The following RAPGEF2 variants were observed in gnomAD, a reference collection of about 807,000 sequenced individuals.
RAPGEF2 encodes the protein Rap guanine nucleotide exchange factor 2, also known as PDZ domain containing guanine nucleotide exchange factor (GEF) 1.
RAPGEF2 carries 54 observed loss-of-function variants against 186.7 expected under a neutral mutation model. The observed-to-expected ratio is 0.29, with a 90% CI of 0.23 to 0.36. The LOEUF (loss-of-function observed/expected upper bound fraction) is 0.36, where lower values mean the gene tolerates loss of function less well. Ranked by LOEUF, RAPGEF2 falls within the 10% of genes least tolerant of loss-of-function variation. The pLI is 1.00. For synonymous variants in RAPGEF2, 712 were observed against 705.9 expected (o/e 1.01, Z -0.14); for missense variants, 1,532 against 2,045.0 (o/e 0.75, Z 4.84).
chr4:159,358,237 GTGGACCAGTT>G lies in RAPGEF2; in HGVS notation c.*101_*110del. ...CCTTGGAACTCACATTCTGAGGACG[GTGGACCAGTT>G]TGCCTCCTTCCCTGCCTTAAAAGCA... On this transcript the variant is annotated 3_prime_UTR_variant, in exon 30 of 30. Transcript: ENST00000691494. The G allele has an allele frequency of 1.5e-6, 2 of 1,319,138 alleles. No homozygotes were observed. The highest frequency in any genetic ancestry group is 2.1e-6 in the Non-Finnish European group (2 of 941,702). The allele number at this position is 1,319,138 out of a possible 1,614,324, so 81.7% of individuals were successfully genotyped here.
In RAPGEF2 at chr4:159,337,910, A is replaced by AG. The variant is rs1401826582; in HGVS notation, c.2136-401_2136-400insG. The stretch of plus-strand genomic sequence containing the variant: ...ATCTCAAAAAAAAAAAAAAAAAAAA[A>AG]AAAGAAAGAAAAACCATAGGTTTTA... On this transcript the variant is annotated intron_variant, in intron 17 of 29. Transcript: ENST00000691494. 6.6e-4 allele frequency among the ~76,000 whole-genome samples: 95 copies of AG among 143,128 alleles called. 1 individual carries two copies. The highest frequency in any genetic ancestry group is 2.4e-3 in the African/African-American group (88 of 36,628). 93.9% of individuals were successfully genotyped at this position (143,128 alleles called of 152,430 possible).
At chr4:159,268,301 G>A in intron 7 of RAPGEF2, 2 of 1,179,278 alleles carry the variant, frequency 1.7e-6, no homozygotes, top group Non-Finnish European at 2.5e-6. Flanking sequence ...TTCTCTTCAG[G>A]GAAAACAGTT....
At chr4:159,287,600 A>G (rs1760674977) in intron 7 of RAPGEF2, among the ~76,000 whole-genome samples, 1 of 152,170 alleles carries the variant, frequency 6.6e-6, no homozygotes, top group Non-Finnish European at 1.5e-5. Flanking sequence ...ATGTATGTAT[A>G]TCATGGAATT....
chr4:159,119,362 CCT>C (rs1220446268), intron 1 of RAPGEF2, among the ~76,000 whole-genome samples: 1 of 152,006 alleles, frequency 6.6e-6, no homozygotes, highest in African/African-American at 2.4e-5. Context: ...GAAGGAAAGC[CCT>C]CTCTAGATAC....
At chr4:159,143,284 G>A (rs994531902) in intron 1 of RAPGEF2, among the ~76,000 whole-genome samples, 4 of 151,652 alleles carry the variant, frequency 2.6e-5, no homozygotes, top group Non-Finnish European at 5.9e-5. Flanking sequence ...CCAAAAAAAC[G>A]AAAAAAACTT....
intron 1 of RAPGEF2, among the ~76,000 whole-genome samples, chr4:159,105,567 T>A (rs969784548): frequency 1.4e-4 from 21 of 152,184 alleles, no homozygotes; most frequent in African/African-American, 4.3e-4. Context: ...ACAAGAAAAT[T>A]TATCTGTCTC....
At chr4:159,318,211 A>G (rs1243325698) in intron 9 of RAPGEF2, among the ~76,000 whole-genome samples, 1 of 152,184 alleles carries the variant, frequency 6.6e-6, no homozygotes, top group Non-Finnish European at 1.5e-5. Flanking sequence ...ACAAGTCCTA[A>G]AGGGTGTTGT....
chr4:159,222,754 C>G (rs925786750), intron 4 of RAPGEF2, among the ~76,000 whole-genome samples: 1 of 152,060 alleles, frequency 6.6e-6, no homozygotes, highest in African/African-American at 2.4e-5. Context: ...AAAGTGTACT[C>G]TCTGTATTGG....
intron 1 of RAPGEF2, among the ~76,000 whole-genome samples, chr4:159,157,565 A>G (rs1275240745): frequency 6.6e-6 from 1 of 152,342 alleles, no homozygotes; most frequent in East Asian, 1.9e-4. Context: ...AAAATGGATA[A>G]GAATGGCTTT....
intron 3 of RAPGEF2, among the ~76,000 whole-genome samples, chr4:159,198,146 A>G (rs1284604854): frequency 6.6e-6 from 1 of 152,168 alleles, no homozygotes; most frequent in African/African-American, 2.4e-5. Context: ...TTATTACAAA[A>G]GCACTAATCT....
Position 159,316,362 on chromosome 4 carries a change from T to C in RAPGEF2, c.853+1594T>C, listed in dbSNP as rs147489822. Among the ~76,000 whole-genome samples, 677 of 152,320 alleles carry C rather than the reference T, an allele frequency of 4.4e-3. 5 individuals are homozygous for C. The highest frequency in any genetic ancestry group is 0.015 in the African/African-American group (637 of 41,564). On this transcript the variant is annotated intron_variant, in intron 9 of 29. Transcript: ENST00000691494. ...GTATAACTATTCTTGTTTTATATTT[T>C]ATTATACTGGAACAGCTCATGTCCT...
At chr4:159,246,944 TATG>T (rs1163651797) in intron 7 of RAPGEF2, among the ~76,000 whole-genome samples, 1 of 152,164 alleles carries the variant, frequency 6.6e-6, no homozygotes, top group African/African-American at 2.4e-5. Context: ...CTATAATTTA[TATG>T]ATATTTAAAA....
intron 7 of RAPGEF2, among the ~76,000 whole-genome samples, chr4:159,290,055 G>A (rs536218571): frequency 6.6e-6 from 1 of 152,254 alleles, no homozygotes; most frequent in East Asian, 1.9e-4. Context: ...AGGATCAGGT[G>A]TGTATTTTCC....
chr4:159,209,908 T>C (rs1750356333), intron 3 of RAPGEF2, among the ~76,000 whole-genome samples: 1 of 152,250 alleles, frequency 6.6e-6, no homozygotes, highest in Non-Finnish European at 1.5e-5. Context: ...CATCCATACA[T>C]GCTTTACAGC....
chr4:159,105,052 T>TA (rs1181508828), intron 1 of RAPGEF2, among the ~76,000 whole-genome samples: 1 of 152,222 alleles, frequency 6.6e-6, no homozygotes, highest in Non-Finnish European at 1.5e-5. Flanking sequence ...CCTGCAGGCT[T>TA]ACTCTTCTCT....
intron 7 of RAPGEF2, among the ~76,000 whole-genome samples, chr4:159,255,293 C>T (rs1257061883): frequency 6.6e-6 from 1 of 152,052 alleles, no homozygotes; most frequent in African/African-American, 2.4e-5. Context: ...TCTTTCTTCT[C>T]AAAACTCCCC....
rs573703065 is a variant in RAPGEF2 at position 159,186,116 on chromosome 4, C to T, written c.70-526C>T. Among the ~76,000 whole-genome samples the T allele has an allele frequency of 1.5e-4, 22 of 151,448 alleles. No individual in the cohort carries two copies. In the East Asian group the frequency reaches 4.1e-3, roughly 28 times the overall value. On this transcript the variant is annotated intron_variant, in intron 1 of 29. Coordinates refer to ENST00000691494, the MANE Select transcript of RAPGEF2 (RefSeq NM_001394067.2). ...TGCAATGTGATCTGGTAAAACAAGG[C>T]ACGTTTTCTTTTTTAAAAGAAAATA...
intron 19 of RAPGEF2, among the ~76,000 whole-genome samples, chr4:159,341,137 A>C (rs1367333794): frequency 6.6e-6 from 1 of 152,088 alleles, no homozygotes; most frequent in Non-Finnish European, 1.5e-5. Context: ...CAATAATCAC[A>C]GATTATTGAT....
In RAPGEF2 at chr4:159,248,278, T is replaced by C. The variant is rs141958773; in HGVS notation, c.543+4487T>C. Among the ~76,000 whole-genome samples the C allele has an allele frequency of 4.2e-3, 644 of 152,246 alleles. 8 individuals are homozygous for C. Among genetic ancestry groups the C allele is most frequent in the African/African-American group, 0.014 (599 of 41,522 alleles). ...ATAGAAATGTGAAAACTGGATTAGG[T>C]AATAAAGAATGGAAAAGAGGATGAA... On this transcript the variant is annotated intron_variant, in intron 7 of 29. Transcript: ENST00000691494.
Sources: gnomAD v4.1 joint callset for allele counts (sites outside exome capture counted in the v4.1 genomes callset) on GRCh38, gnomAD v4.1.1 for gene constraint, MANE v1.5 for transcripts, NCBI Gene and HGNC (gene_info 2026-07-23, HGNC 2026-07-21) for gene names.